Variants in SLC9B1 observed in about 807,000 individuals in gnomAD.
The protein encoded by SLC9B1 is sodium/hydrogen exchanger 9B1.
SLC9B1 carries 32 observed loss-of-function variants against 51.7 expected under a neutral mutation model. The observed-to-expected ratio is 0.62, with a 90% CI of 0.47 to 0.83. The LOEUF (loss-of-function observed/expected upper bound fraction) is 0.83, where lower values mean the gene tolerates loss of function less well. SLC9B1 is among the 40% of genes least tolerant of loss of function. The probability of loss-of-function intolerance (pLI) is 0.00; values close to 1 mark genes in which losing one functional copy is unlikely to be tolerated. For synonymous variants in SLC9B1, 145 were observed against 212.7 expected, an observed-to-expected ratio of 0.68 and a Z score of 2.77; for missense variants, 406 against 613.2, an observed-to-expected ratio of 0.66 and a Z score of 3.57.
chr4:102,984,862 C>CT (rs929571578), intron 3 of SLC9B1, among the ~76,000 whole-genome samples: 5 of 151,992 alleles, frequency 3.3e-5, no homozygotes, highest in African/African-American at 1.2e-4. Context: ...CTCATGTGTT[C>CT]TTTTTTTAAG....
intron 3 of SLC9B1, chr4:102,962,200 G>C (rs962193153): frequency 3.8e-6 from 2 of 523,498 alleles, no homozygotes; most frequent in Non-Finnish European, 7.7e-6. Context: ...CTATCAGAGA[G>C]TCAGCAAAGG....
intron 3 of SLC9B1, among the ~76,000 whole-genome samples, chr4:102,974,926 T>TA: frequency 6.6e-6 from 1 of 152,208 alleles, no homozygotes; most frequent in East Asian, 1.9e-4. Flanking sequence ...TAATGTATTC[T>TA]AAAAAAATTC....
chr4:102,972,869 A>G (rs1311172465), intron 3 of SLC9B1, among the ~76,000 whole-genome samples: 1 of 152,160 alleles, frequency 6.6e-6, no homozygotes, highest in Admixed American at 6.5e-5. Context: ...AAATTAATGC[A>G]TCCTTCAAGA....
At chr4:102,904,652 T>C (rs1471500325) in intron 11 of SLC9B1, among the ~76,000 whole-genome samples, 1 of 151,828 alleles carries the variant, frequency 6.6e-6, no homozygotes, top group Non-Finnish European at 1.5e-5. Context: ...AAGACCAGCC[T>C]GGGCAACATA....
intron 5 of SLC9B1, 88 bp from the exon 6 acceptor site, chr4:102,945,408 T>C: frequency 7.2e-7 from 1 of 1,393,398 alleles, no homozygotes. Context: ...AAAGTCTTTT[T>C]TCATAAGAAG....
intron 11 of SLC9B1, among the ~76,000 whole-genome samples, chr4:102,905,233 A>ATTTATTTATTTT (rs569004930): frequency 7.4e-5 from 11 of 149,584 alleles, no homozygotes; most frequent in Non-Finnish European, 1.0e-4. Context: ...TTATTTATTT[A>ATTTATTTATTTT]TTTTTTTGAG....
intron 7 of SLC9B1, among the ~76,000 whole-genome samples, chr4:102,924,035 T>A (rs536290029): frequency 1.3e-5 from 2 of 152,300 alleles, no homozygotes; most frequent in South Asian, 4.1e-4. Context: ...ATGACTTTCT[T>A]CACAGAATTG....
At chr4:102,950,912 T>C (rs1345625284) in intron 3 of SLC9B1, among the ~76,000 whole-genome samples, 1 of 152,156 alleles carries the variant, frequency 6.6e-6, no homozygotes, top group Non-Finnish European at 1.5e-5. Flanking sequence ...GGAGAATTGC[T>C]TAAACCCAGG....
chr4:102,911,964 C>A, intron 7 of SLC9B1: 1 of 188,904 alleles, frequency 5.3e-6, no homozygotes, highest in Non-Finnish European at 1.1e-5. Context: ...GAAACCCCAT[C>A]TCTACTAAAA....
chr4:102,931,203 G>A (rs1736436808), intron 7 of SLC9B1, among the ~76,000 whole-genome samples: 1 of 147,048 alleles, frequency 6.8e-6, no homozygotes, highest in Non-Finnish European at 1.5e-5. Context: ...TCCAACCTGG[G>A]TGACAGAGCA....
chr4:102,992,089 C>T (rs1010473339), intron 1 of SLC9B1, among the ~76,000 whole-genome samples: 1 of 152,084 alleles, frequency 6.6e-6, no homozygotes, highest in Non-Finnish European at 1.5e-5. Context: ...TTACATAAAA[C>T]ACTCCAGAAA....
intron 1 of SLC9B1, among the ~76,000 whole-genome samples, chr4:103,016,155 G>GAAAAAAAAAAAAAAAAAAAAA (rs1286956791): frequency 1.3e-5 from 1 of 74,214 alleles, no homozygotes. Flanking sequence ...AAAAAAAAAG[G>GAAAAAAAAAAAAAAAAAAAAA]AAAGTATATG....
At chr4:102,997,421 T>C (rs889462960) in intron 1 of SLC9B1, among the ~76,000 whole-genome samples, 3 of 152,204 alleles carry the variant, frequency 2.0e-5, no homozygotes, top group Admixed American at 1.3e-4. Context: ...AGGTATTTTA[T>C]GTTTTTTGGA....
At chr4:103,012,245 A>G (rs1741121582) in intron 1 of SLC9B1, among the ~76,000 whole-genome samples, 1 of 152,206 alleles carries the variant, frequency 6.6e-6, no homozygotes, top group Non-Finnish European at 1.5e-5. Flanking sequence ...TGCCTTTCAC[A>G]AAGCATTAGG....
At chr4:102,899,822 T>C (rs1460459607), downstream of SLC9B1, among the ~76,000 whole-genome samples, 1 of 152,204 alleles carries the variant, frequency 6.6e-6, no homozygotes, top group Non-Finnish European at 1.5e-5. Context: ...AATTACAATA[T>C]TTGAAAATGG....
chr4:103,004,521 T>C (rs1740686041), intron 1 of SLC9B1, among the ~76,000 whole-genome samples: 2 of 152,300 alleles, frequency 1.3e-5, no homozygotes, highest in South Asian at 2.1e-4. Flanking sequence ...GAGGATATCA[T>C]CCATGAAAAT....
At chr4:102,971,445 A>G (rs548163612) in intron 3 of SLC9B1, among the ~76,000 whole-genome samples, 1,692 of 152,322 alleles carry the variant, frequency 0.011, 21 homozygotes, top group African/African-American at 0.037. Context: ...ACCAACGAGA[A>G]CAAAGACACA....
intron 2 of SLC9B1, among the ~76,000 whole-genome samples, chr4:102,990,185 G>A (rs953962642): frequency 2.0e-5 from 3 of 151,912 alleles, no homozygotes; most frequent in Non-Finnish European, 4.4e-5. Flanking sequence ...AATCATTTGT[G>A]TATACTGAAT....
chr4:102,909,296 CA>C (rs35570979), intron 9 of SLC9B1, among the ~76,000 whole-genome samples: 69 of 144,460 alleles, frequency 4.8e-4, no homozygotes, highest in Non-Finnish European at 4.4e-4. Context: ...GACTCTGTCT[CA>C]AAAAAAAAAA....
Sources: gnomAD v4.1 joint callset for allele counts (sites outside exome capture counted in the v4.1 genomes callset) on GRCh38, gnomAD v4.1.1 for gene constraint, MANE v1.5 for transcripts, NCBI Gene and HGNC (gene_info 2026-07-23, HGNC 2026-07-21) for gene names.